Variants in SRRM3 observed in about 807,000 individuals in gnomAD.
The protein encoded by SRRM3 is serine/arginine repetitive matrix 3, also known as serine/arginine repetitive matrix protein 3.
A neutral mutation model predicts 66.2 loss-of-function variants in SRRM3; 27 were observed. The ratio of observed to expected loss-of-function variants is 0.41; its 90% confidence interval spans 0.30 to 0.56. The LOEUF is 0.56. SRRM3 is among the 20% of genes least tolerant of loss of function. The pLI is 0.32. For missense variants in SRRM3, 918 were observed against 991.9 expected (o/e 0.93, Z 1.00); for synonymous variants, 391 against 414.9 (o/e 0.94, Z 0.70).
chr7:76,235,369 C>T (rs542366283), intron 2 of SRRM3, 70 bp downstream of exon 2: 51 of 1,314,396 alleles, frequency 3.9e-5, no homozygotes, highest in Admixed American at 8.2e-5. Flanking sequence ...GCGAGTGATG[C>T]TGCACGTGGG....
intron 1 of SRRM3, among the ~76,000 whole-genome samples, chr7:76,208,221 A>G (rs575206302): frequency 6.6e-6 from 1 of 152,286 alleles, no homozygotes; most frequent in East Asian, 1.9e-4. Flanking sequence ...AGACCCCAGA[A>G]GAAAGCACCC....
At chr7:76,249,533 C>T (rs1256835982) in intron 3 of SRRM3, among the ~76,000 whole-genome samples, 18 of 152,188 alleles carry the variant, frequency 1.2e-4, no homozygotes, top group Admixed American at 7.2e-4. Flanking sequence ...AGATCAGAGG[C>T]GAACTGTGAA....
chr7:76,261,149 C>G (rs535453583), intron 6 of SRRM3, among the ~76,000 whole-genome samples: 4 of 152,094 alleles, frequency 2.6e-5, no homozygotes, highest in African/African-American at 9.6e-5. Flanking sequence ...ATTGTGGGGA[C>G]AACATAGGCA....
chr7:76,225,279 C>T (rs1583880769), intron 1 of SRRM3, among the ~76,000 whole-genome samples: 1 of 152,260 alleles, frequency 6.6e-6, no homozygotes, highest in Non-Finnish European at 1.5e-5. Context: ...GCAGAAAGAT[C>T]TTAGAAGTAA....
At chr7:76,283,223 G>GTTCT in intron 14 of SRRM3, 122 bp downstream of exon 14, 2 of 1,183,048 alleles carry the variant, frequency 1.7e-6, no homozygotes, top group South Asian at 4.0e-5. Flanking sequence ...GGGGATGGGG[G>GTTCT]GGGGTGCTAA....
Position 76,282,877 on chromosome 7 carries a change from G to T in SRRM3, c.1595+5G>T. ...GCCCAAGAAGCCCCTCAGCCGGTGA[G>T]TGCCCGCCCGGACCGGGCCGACGGG... On this transcript the variant is annotated splice_donor_5th_base_variant and intron_variant, in intron 13 of 14. Coordinates refer to ENST00000611745, the MANE Select transcript of SRRM3 (RefSeq NM_001110199.3). 1 of 1,382,708 alleles carries T rather than the reference G, an allele frequency of 7.2e-7. No individual in the cohort carries two copies. The highest frequency in any genetic ancestry group is 1.6e-5 in the South Asian group (1 of 61,452). 85.7% of individuals were successfully genotyped at this position (1,382,708 alleles called of 1,614,324 possible).
intron 11 of SRRM3, among the ~76,000 whole-genome samples, chr7:76,279,580 G>A (rs1279692860): frequency 1.3e-5 from 2 of 151,146 alleles, no homozygotes; most frequent in East Asian, 1.9e-4. Context: ...CAGGGAGGGC[G>A]GGCAGGGTGC....
Position 76,281,496 on chromosome 7 carries a change from C to A in SRRM3, c.1064C>A (p.Thr355Lys), listed in dbSNP as rs782324462. The A allele has an allele frequency of 1.5e-5, 18 of 1,221,026 alleles. No homozygotes were observed. In the East Asian group the frequency reaches 2.9e-4, roughly 20 times the overall value. The allele number at this position is 1,221,026 out of a possible 1,614,324, so 75.6% of individuals were successfully genotyped here. Residue 355 changes from threonine (T) to lysine (K), a missense_variant, in exon 12 of 15, where the codon ACG becomes AAG. Transcript: ENST00000611745. ...VRDKAAAAAP[T>K]PPARGKESPS... ...GACAAGGCGGCGGCCGCCGCACCCA[C>A]GCCGCCCGCGCGGGGGAAGGAGAGC... is the stretch of plus-strand genomic sequence containing the variant.
intron 1 of SRRM3, among the ~76,000 whole-genome samples, chr7:76,234,156 A>C (rs1801081732): frequency 6.7e-6 from 1 of 148,670 alleles, no homozygotes; most frequent in African/African-American, 2.5e-5. Context: ...GAAATAGCTC[A>C]AGAGGTGCCT....
rs1264310538 is a variant in SRRM3 at position 76,282,632 on chromosome 7, C to T, written c.1371-16C>T. The stretch of plus-strand genomic sequence containing the variant: ...CGGGTCGCTGAGCCCTATCCCGCGC[C>T]GTCTCCCTCCTCCAGGGCCAAGGAG... On this transcript the variant is annotated splice_polypyrimidine_tract_variant and intron_variant, in intron 12 of 14. Coordinates refer to ENST00000611745, the MANE Select transcript of SRRM3 (RefSeq NM_001110199.3). The T allele has an allele frequency of 4.3e-6, 6 of 1,405,458 alleles. No individual in the cohort carries two copies. Among genetic ancestry groups the T allele is most frequent in the Non-Finnish European group, 4.6e-6 (5 of 1,081,814 alleles). The allele number at this position is 1,405,458 out of a possible 1,614,324, so 87.1% of individuals were successfully genotyped here.
At chr7:76,246,416 T>A (rs1257515421) in intron 2 of SRRM3, among the ~76,000 whole-genome samples, 1 of 151,854 alleles carries the variant, frequency 6.6e-6, no homozygotes, top group East Asian at 1.9e-4. Context: ...ATACAAAAAT[T>A]AGCCAGGCAT....
At chr7:76,210,667 G>A (rs1255863785) in intron 1 of SRRM3, among the ~76,000 whole-genome samples, 1 of 152,168 alleles carries the variant, frequency 6.6e-6, no homozygotes, top group Non-Finnish European at 1.5e-5. Flanking sequence ...CTTGAGTCCA[G>A]GAGTCTTGGG....
At chr7:76,267,803 A>G (rs1429702893) in intron 11 of SRRM3, 1 of 205,274 alleles carries the variant, frequency 4.9e-6, no homozygotes, top group Non-Finnish European at 9.7e-6. Flanking sequence ...GGGCATGGAC[A>G]TTGATAGGAG....
At chr7:76,282,550 C>A in intron 12 of SRRM3, 98 bp from the exon 13 acceptor site, 1 of 618,498 alleles carries the variant, frequency 1.6e-6, no homozygotes, top group Non-Finnish European at 2.5e-6. Flanking sequence ...ACACGGACCC[C>A]GCCCCTCCGC....
intron 1 of SRRM3, among the ~76,000 whole-genome samples, chr7:76,232,430 G>A (rs1801039347): frequency 6.6e-6 from 1 of 152,060 alleles, no homozygotes; most frequent in South Asian, 2.1e-4. Flanking sequence ...AAATTAGCCG[G>A]GCAAGGTGGC....
At chr7:76,265,811 A>T (rs1263509414) in intron 10 of SRRM3, among the ~76,000 whole-genome samples, 13 of 88,666 alleles carry the variant, frequency 1.5e-4, no homozygotes, top group East Asian at 3.8e-4. Context: ...TATATATTTT[A>T]TATATTTAAT....
chr7:76,260,988 A>C, intron 6 of SRRM3, 85 bp downstream of exon 6: 1 of 1,430,294 alleles, frequency 7.0e-7, no homozygotes, highest in Non-Finnish European at 9.5e-7. Context: ...CAGAGGCCGG[A>C]GGCCTGGACC....
At chr7:76,277,196 G>A (rs1802370681) in intron 11 of SRRM3, among the ~76,000 whole-genome samples, 1 of 152,182 alleles carries the variant, frequency 6.6e-6, no homozygotes, top group Non-Finnish European at 1.5e-5. Flanking sequence ...TGGACTTGGG[G>A]GCTTGGACCT....
At chr7:76,243,012 G>A (rs1331869825) in intron 2 of SRRM3, among the ~76,000 whole-genome samples, 2 of 152,148 alleles carry the variant, frequency 1.3e-5, no homozygotes, top group African/African-American at 4.8e-5. Flanking sequence ...CATGGCCATG[G>A]GGAGGGCACC....
Sources: gnomAD v4.1 joint callset for allele counts (sites outside exome capture counted in the v4.1 genomes callset) on GRCh38, gnomAD v4.1.1 for gene constraint, MANE v1.5 for transcripts, NCBI Gene and HGNC (gene_info 2026-07-23, HGNC 2026-07-21) for gene names.